The following ERN1 variants were observed in gnomAD, a reference collection of about 807,000 sequenced individuals.
The protein encoded by ERN1 is endoplasmic reticulum to nucleus signaling 1, also known as serine/threonine-protein kinase/endoribonuclease IRE1.
ERN1 carries 39 observed loss-of-function variants against 113.1 expected under a neutral mutation model. The observed-to-expected ratio is 0.34, with a 90% CI of 0.27 to 0.45. The LOEUF (loss-of-function observed/expected upper bound fraction) is 0.45, where lower values mean the gene tolerates loss of function less well. Among genes scored for constraint, ERN1 ranks in the 20% least tolerant of loss-of-function variants. The pLI is 1.00. For synonymous variants in ERN1, 507 were observed against 515.9 expected, an observed-to-expected ratio of 0.98 and a Z score of 0.23; for missense variants, 976 against 1,274.8, an observed-to-expected ratio of 0.77 and a Z score of 3.57.
intron 1 of ERN1, among the ~76,000 whole-genome samples, chr17:64,120,917 AAAG>A (rs1156334762): frequency 1.3e-5 from 2 of 152,160 alleles, no homozygotes; most frequent in Non-Finnish European, 1.5e-5. Context: ...AATGAGTCTC[AAAG>A]AAGAATTCAA....
In ERN1 at chr17:64,049,136, G is replaced by C. The variant is rs1280763939; in HGVS notation, c.2320C>G (p.Pro774Ala). The C allele has an allele frequency of 6.2e-7, 1 of 1,610,234 alleles. No individual in the cohort carries two copies. The highest frequency in any genetic ancestry group is 1.1e-5 in the South Asian group (1 of 90,870). Residue 774 changes from proline (P) to alanine (A), a missense_variant, in exon 18 of 22, where the codon CCT becomes GCT. Transcript: ENST00000433197. This position sits in a 1 kb window ranked among gnomAD's most constrained non-coding sequence, Gnocchi z 4.7. ...TGCCGCTGCAGGGACTTGCCAAAAG[G>C]GTGGCTGCCCTCAGAGATTACGTAG... ...FYYVISEGSHPFGKSLQRQAN... is the reference protein window; with the variant it reads ...FYYVISEGSHAFGKSLQRQAN...
intron 9 of ERN1, among the ~76,000 whole-genome samples, chr17:64,064,905 CAG>C (rs1186261196): frequency 6.6e-6 from 1 of 152,110 alleles, no homozygotes; most frequent in Admixed American, 6.6e-5. Context: ...GAGAAACTAA[CAG>C]GGTGGAGGAA....
chr17:64,065,592 C>T (rs111373), intron 8 of ERN1, among the ~76,000 whole-genome samples: 146,078 of 152,198 alleles, frequency 0.96, 70,406 homozygotes, highest in East Asian at 1. Context: ...CCAGTGGCCA[C>T]AGAGGAGACT....
chr17:64,107,591 GAT>G (rs1914565344), intron 1 of ERN1, among the ~76,000 whole-genome samples: 1 of 152,188 alleles, frequency 6.6e-6, no homozygotes, highest in Non-Finnish European at 1.5e-5. Flanking sequence ...AAAGTGCTGG[GAT>G]TACAGGCTTG....
chr17:64,066,860 C>T lies in ERN1; in HGVS notation c.653G>A (p.Trp218Ter). 1 of 1,613,898 alleles carries T rather than the reference C, an allele frequency of 6.2e-7. No individual in the cohort carries two copies. Among genetic ancestry groups the T allele is most frequent in the Non-Finnish European group, 8.5e-7 (1 of 1,179,854 alleles). Reference sequence around the variant, plus strand: ...CACAGGGGAGGCGTAGTTTTGGATCCACAGGACGTCCCCAGATTCACTGTC... The same window carrying T: ...CACAGGGGAGGCGTAGTTTTGGATCTACAGGACGTCCCCAGATTCACTGTC... Reference protein sequence around the residue: ...TVDSESGDVLWIQNYASPVVA... With the variant: ...TVDSESGDVL Residue 218 changes from tryptophan (W) to a stop codon, truncating the protein, a stop_gained, in exon 8 of 22, where the codon TGG (tryptophan) becomes TAG (stop). Transcript: ENST00000433197. LOFTEE classifies it high-confidence loss of function.
intron 2 of ERN1, among the ~76,000 whole-genome samples, chr17:64,088,438 A>G (rs75450394): frequency 6.6e-6 from 1 of 152,326 alleles, no homozygotes; most frequent in African/African-American, 2.4e-5. Context: ...GGTATTCAAA[A>G]TACCTTTTGA....
chr17:64,088,541 G>A (rs767949277), intron 2 of ERN1, among the ~76,000 whole-genome samples: 5 of 152,128 alleles, frequency 3.3e-5, no homozygotes, highest in Non-Finnish European at 7.3e-5. Context: ...ATTCCCCGCC[G>A]AGGAGGAAGA....
intron 4 of ERN1, among the ~76,000 whole-genome samples, chr17:64,076,339 C>T (rs932669539): frequency 6.6e-6 from 1 of 152,194 alleles, no homozygotes; most frequent in Non-Finnish European, 1.5e-5. Flanking sequence ...TACTAAATAA[C>T]TTGGATTTTC....
At chr17:64,056,118 T>C (rs766214402) in intron 12 of ERN1, among the ~76,000 whole-genome samples, 170 bp from the exon 13 acceptor site, 1 of 152,208 alleles carries the variant, frequency 6.6e-6, no homozygotes. Context: ...CTTCGATGAC[T>C]GGACGTCTTT....
Position 64,063,929 on chromosome 17 carries a change from G to A in ERN1, c.1087+57C>T, listed in dbSNP as rs538200974. 3.9e-6 allele frequency: 6 copies of A among 1,556,414 alleles called. No homozygotes were observed. The highest frequency in any genetic ancestry group is 4.4e-6 in the Non-Finnish European group (5 of 1,137,414). ...GGTGTAACTACCAGGGCCGGCGGTCGCCCACCAGGAGGCAGCACGCTGTCA... is the reference window on the plus strand; with the variant it reads ...GGTGTAACTACCAGGGCCGGCGGTCACCCACCAGGAGGCAGCACGCTGTCA... On this transcript the variant is annotated intron_variant, in intron 10 of 21. Coordinates refer to ENST00000433197, the MANE Select transcript of ERN1 (RefSeq NM_001433.5). This position sits in a 1 kb window ranked among gnomAD's most constrained non-coding sequence, Gnocchi z 5.1.
At chr17:64,124,810 CAT>C (rs1405565331) in intron 1 of ERN1, among the ~76,000 whole-genome samples, 2 of 152,190 alleles carry the variant, frequency 1.3e-5, no homozygotes, top group Non-Finnish European at 2.9e-5. Flanking sequence ...AGTACTGACA[CAT>C]GTTATTATAC....
In ERN1 at chr17:64,128,484, TAA is replaced by T. The variant is rs530762230; in HGVS notation, c.54+1490_54+1491del. Among the ~76,000 whole-genome samples the T allele has an allele frequency of 4.8e-4, 73 of 152,330 alleles. 1 individual carries two copies. Among genetic ancestry groups the T allele is most frequent in the African/African-American group, 1.6e-3 (67 of 41,566 alleles). ...AATCGTTATTTTTGGCTCTTTAGCC[TAA>T]GTTATTCAATAACCAAACACTAGAA... On this transcript the variant is annotated intron_variant, in intron 1 of 21. Transcript: ENST00000433197.
chr17:64,067,568 C>T (rs1418295154), intron 7 of ERN1, among the ~76,000 whole-genome samples: 1 of 151,250 alleles, frequency 6.6e-6, no homozygotes, highest in African/African-American at 2.4e-5. Flanking sequence ...TGACTGCACT[C>T]CTGCACACAT....
chr17:64,044,146 G>A lies in ERN1; in HGVS notation c.2776C>T (p.Pro926Ser), dbSNP rs761469405. ...GTGAAGTAGCACACGAAGTCGTCGG[G>A]GAGGGACCCCAGCGTCTCCCGCACC... ...AEVRETLGSL[P>S]DDFVCYFTSR... is the part of the protein sequence containing the mutation. Residue 926 changes from proline (P) to serine (S), a missense_variant, in exon 22 of 22, where the codon CCC (proline) becomes TCC (serine). Pro to Ser is a moderately conservative substitution (Grantham distance 74). This residue lies in a region of ERN1 where 92 missense variants were observed against 87.3 expected (regional missense o/e 1.05). Transcript: ENST00000433197. This position sits in a 1 kb window ranked among gnomAD's most constrained non-coding sequence, Gnocchi z 4.1. 1 of 1,603,886 alleles carries A rather than the reference G, an allele frequency of 6.2e-7. No individual in the cohort carries two copies. Among genetic ancestry groups the A allele is most frequent in the Non-Finnish European group, 8.5e-7 (1 of 1,173,784 alleles).
intron 9 of ERN1, among the ~76,000 whole-genome samples, chr17:64,064,960 C>T (rs1016974095): frequency 1.3e-5 from 2 of 152,156 alleles, no homozygotes; most frequent in Admixed American, 1.3e-4. Flanking sequence ...GAACACCAGC[C>T]TGGGGAGTTT....
At chr17:64,086,601 G>A (rs980288574) in intron 2 of ERN1, among the ~76,000 whole-genome samples, 2 of 140,858 alleles carry the variant, frequency 1.4e-5, no homozygotes, top group African/African-American at 5.3e-5. Context: ...GTGTTTATTT[G>A]GACCTATTTT....
intron 1 of ERN1, chr17:64,098,442 G>A (rs201239244): frequency 1.2e-5 from 9 of 749,588 alleles, no homozygotes; most frequent in Admixed American, 5.1e-5. Flanking sequence ...GATCCTGCCT[G>A]CAGACAGGCA....
intron 5 of ERN1, 190 bp downstream of exon 5, chr17:64,074,985 C>A: frequency 3.4e-6 from 2 of 587,052 alleles, no homozygotes; most frequent in South Asian, 4.2e-5. Context: ...GATGTCAATT[C>A]TTCTCCCAAG....
chr17:64,125,699 G>A (rs57767539), intron 1 of ERN1, among the ~76,000 whole-genome samples: 8,661 of 152,208 alleles, frequency 0.057, 298 homozygotes, highest in Middle Eastern at 0.078. Flanking sequence ...ATGTTGGCCA[G>A]GCTGCTCTCG....
Sources: allele counts gnomAD v4.1 joint callset (sites outside exome capture counted in the v4.1 genomes callset), GRCh38; gene constraint gnomAD v4.1.1; regional missense constraint gnomAD v4.1.1; non-coding constraint Gnocchi (gnomAD v3.1); transcripts MANE v1.5; gene names NCBI Gene and HGNC (gene_info 2026-07-23, HGNC 2026-07-21).